CGAS: variants seen among roughly 807,000 people sequenced by gnomAD.
The protein encoded by CGAS is 2'3'-cGAMP synthase.
In CGAS, 31 loss-of-function variants were observed where a neutral mutation model predicts 34.0. The ratio of observed to expected loss-of-function variants is 0.91; its 90% confidence interval spans 0.69 to 1.23. The LOEUF is 1.23. Ranked by LOEUF, CGAS falls within the 50% of genes most tolerant of loss-of-function variation. CGAS has a pLI of 0.00. For missense variants in CGAS, 597 were observed against 657.6 expected, an observed-to-expected ratio of 0.91 and a Z score of 1.01; for synonymous variants, 266 against 260.0, an observed-to-expected ratio of 1.02 and a Z score of -0.22.
chr6:73,440,562 A>C, intron 2 of CGAS, 117 bp from the exon 3 acceptor site: 1 of 926,658 alleles, frequency 1.1e-6, no homozygotes, highest in Middle Eastern at 2.6e-4. Context: ...TGAAGTAAAC[A>C]TTAGTGGTAA....
At chr6:73,441,115 T>A (rs535635707) in intron 2 of CGAS, among the ~76,000 whole-genome samples, 3 of 151,042 alleles carry the variant, frequency 2.0e-5, no homozygotes, top group South Asian at 2.1e-4. Context: ...AGTTTCACTC[T>A]TATTGTCTTG....
At chr6:73,445,456 G>A (rs1387040722) in intron 2 of CGAS, 72 bp downstream of exon 2, 15 of 1,077,584 alleles carry the variant, frequency 1.4e-5, no homozygotes, top group Non-Finnish European at 2.0e-5. Context: ...CAAGAAACAT[G>A]AGAATGGGAG....
At chr6:73,444,895 T>A (rs536156239) in intron 2 of CGAS, among the ~76,000 whole-genome samples, 1 of 152,256 alleles carries the variant, frequency 6.6e-6, no homozygotes, top group South Asian at 2.1e-4. Context: ...ATTAAGATGG[T>A]TCCCAGGTTT....
chr6:73,426,583 A>G (rs953879039), intron 4 of CGAS, among the ~76,000 whole-genome samples: 2 of 151,144 alleles, frequency 1.3e-5, no homozygotes, highest in African/African-American at 2.4e-5. Context: ...CAGTGATACA[A>G]TCTCGGCTCA....
chr6:73,427,212 T>C (rs1394520393), intron 4 of CGAS, among the ~76,000 whole-genome samples: 1 of 152,140 alleles, frequency 6.6e-6, no homozygotes, highest in African/African-American at 2.4e-5. Context: ...AGAACCTCTG[T>C]GCCTGCATGT....
chr6:73,451,095 G>C (rs1582659576), intron 1 of CGAS, among the ~76,000 whole-genome samples: 1 of 152,056 alleles, frequency 6.6e-6, no homozygotes, highest in Admixed American at 6.6e-5. Context: ...AGAAACTGAA[G>C]ATCTTTTTTT....
At chr6:73,450,707 G>T (rs979307925) in intron 1 of CGAS, among the ~76,000 whole-genome samples, 2 of 151,868 alleles carry the variant, frequency 1.3e-5, no homozygotes, top group Non-Finnish European at 2.9e-5. Flanking sequence ...GGGGACAGAC[G>T]GCCGGGCGCG....
chr6:73,439,963 C>T (rs1388610098), intron 3 of CGAS: 7 of 420,954 alleles, frequency 1.7e-5, no homozygotes, highest in South Asian at 6.0e-5. Context: ...CTTTTCTTTA[C>T]CGAAAAAAAT....
intron 3 of CGAS, among the ~76,000 whole-genome samples, chr6:73,439,502 GA>G (rs1320049247): frequency 6.7e-6 from 1 of 148,328 alleles, no homozygotes; most frequent in Admixed American, 6.7e-5. Context: ...AAAAAAGAAA[GA>G]AAGAAAAAAA....
At chr6:73,426,775 C>A (rs942708365) in intron 4 of CGAS, among the ~76,000 whole-genome samples, 11 of 151,884 alleles carry the variant, frequency 7.2e-5, no homozygotes, top group Admixed American at 6.6e-4. Flanking sequence ...GCCATCTCAT[C>A]TAGTTATTTA....
intron 1 of CGAS, 96 bp downstream of exon 1, chr6:73,451,429 G>T: frequency 1.5e-6 from 2 of 1,320,276 alleles, no homozygotes; most frequent in South Asian, 1.5e-5. Flanking sequence ...AGTTACTTCC[G>T]AAGGGAAGTG....
At position 73,452,108 on chromosome 6, in the gene CGAS, C is replaced by G. The variant is rs767939944; in HGVS notation, c.74G>C (p.Arg25Pro). The G allele has an allele frequency of 1.3e-6, 2 of 1,597,372 alleles. No individual in the cohort carries two copies. The highest frequency in any genetic ancestry group is 1.7e-6 in the Non-Finnish European group (2 of 1,172,598). ...AGATAPKASA[R>P]NARGAPMDPT... is the part of the protein sequence containing the mutation. ...ATCCATCGGGGCGCCCCTGGCATTC[C>G]GTGCGGAAGCCTTGGGGGCAGTGGC... The change falls in exon 1 of 5, where the codon CGG (arginine) becomes CCG (proline). Residue 25 changes from arginine to proline, a missense_variant. Physicochemically the swap from Arg to Pro is moderately radical, Grantham distance 103 (BLOSUM62 -2). This residue lies in a region of CGAS where 321 missense variants were observed against 314.3 expected (regional missense o/e 1.02). Transcript: ENST00000370315.
chr6:73,440,062 G>C, intron 3 of CGAS, 147 bp downstream of exon 3: 1 of 664,844 alleles, frequency 1.5e-6, no homozygotes, highest in Non-Finnish European at 2.5e-6. Flanking sequence ...AATTCTGTCT[G>C]TCACCAGACT....
chr6:73,432,274 G>A (rs1415312630), intron 3 of CGAS, among the ~76,000 whole-genome samples: 1 of 151,866 alleles, frequency 6.6e-6, no homozygotes, highest in Non-Finnish European at 1.5e-5. Flanking sequence ...TGATTCTCCT[G>A]CCTCAGCCTC....
At chr6:73,450,910 A>T (rs2150019365) in intron 1 of CGAS, among the ~76,000 whole-genome samples, 1 of 151,668 alleles carries the variant, frequency 6.6e-6, no homozygotes, top group East Asian at 1.9e-4. Context: ...GAATGGCGTG[A>T]ACCCGGGAGG....
rs539674686 is a variant in CGAS, at chr6:73,426,060, G to A, written c.1218-482C>T. On this transcript the variant is annotated intron_variant, in intron 4 of 4. Transcript: ENST00000370315. Reference sequence around the variant, plus strand: ...AGCACTTTGGGAGGCCTAGGCAGGCGGATCACGAGGTCAAGAGTTCGAGAT... The same window carrying A: ...AGCACTTTGGGAGGCCTAGGCAGGCAGATCACGAGGTCAAGAGTTCGAGAT... 3.6e-4 allele frequency among the ~76,000 whole-genome samples: 55 copies of A among 152,068 alleles called. No homozygotes were observed. The South Asian group carries it at 9.5e-3, about 26-fold the overall frequency.
At chr6:73,448,171 C>A (rs1423700799) in intron 1 of CGAS, among the ~76,000 whole-genome samples, 1 of 152,182 alleles carries the variant, frequency 6.6e-6, no homozygotes, top group Non-Finnish European at 1.5e-5. Flanking sequence ...ACGGGTGGAT[C>A]ACCTGAGGTC....
chr6:73,447,999 C>T (rs1050917152), intron 1 of CGAS, among the ~76,000 whole-genome samples: 8 of 152,102 alleles, frequency 5.3e-5, no homozygotes, highest in African/African-American at 1.4e-4. Context: ...TATTCCTTTA[C>T]GTTCTTTTTG....
At chr6:73,445,828 C>G in intron 1 of CGAS, 81 bp from the exon 2 acceptor site, 1 of 1,066,268 alleles carries the variant, frequency 9.4e-7, no homozygotes, top group Non-Finnish European at 1.3e-6. Context: ...AAAATTTCCA[C>G]TTAAAACTTT....
Sources: allele counts gnomAD v4.1 joint callset (sites outside exome capture counted in the v4.1 genomes callset), GRCh38; gene constraint gnomAD v4.1.1; regional missense constraint gnomAD v4.1.1; transcripts MANE v1.5; gene names NCBI Gene and HGNC (gene_info 2026-07-23, HGNC 2026-07-21).